The following LITAFD variants were observed in gnomAD, a reference collection of about 807,000 sequenced individuals.
LITAFD encodes the protein LITAF domain containing.
At chr16:8,884,236 G>T (rs201155459) in intron 2 of LITAFD, 87 bp from the exon 3 acceptor site, 21 of 397,196 alleles carry the variant, frequency 5.3e-5, no homozygotes, top group Non-Finnish European at 1.3e-5. Context: ...CATCTCAGGT[G>T]AGCACCGACA....
At chr16:8,882,716 T>C (rs565259000) in intron 1 of LITAFD, 23 of 152,416 alleles carry the variant, frequency 1.5e-4, no homozygotes, top group Admixed American at 1.1e-3. Context: ...GCAGTGGGGC[T>C]TTCAACGTGC....
At chr16:8,884,612 T>G (rs2061556729) in intron 3 of LITAFD, 147 bp downstream of exon 3, 1 of 396,652 alleles carries the variant, frequency 2.5e-6, no homozygotes, top group South Asian at 1.4e-4. Flanking sequence ...ATTACCTCCT[T>G]GAGAGGAGGC....
At chr16:8,883,307 G>C (rs1169576733) in intron 2 of LITAFD, 21 bp downstream of exon 2, 1 of 152,478 alleles carries the variant, frequency 6.6e-6, no homozygotes, top group Non-Finnish European at 1.5e-5. Context: ...GCCCCTGCCG[G>C]CCTTCCCTTG....
intron 3 of LITAFD, 68 bp downstream of exon 3, chr16:8,884,533 T>C: frequency 2.5e-6 from 1 of 397,908 alleles, no homozygotes; most frequent in Non-Finnish European, 4.4e-6. Context: ...GGTGGGTCCC[T>C]GCAGGGTAGG....
intron 3 of LITAFD, 133 bp from the exon 4 acceptor site, chr16:8,885,052 TAC>T (rs2061559385): frequency 2.5e-6 from 1 of 399,164 alleles, no homozygotes; most frequent in Non-Finnish European, 4.4e-6. Context: ...CAGCCTGGGA[TAC>T]AGAGTGAGAC....
chr16:8,883,628 G>A (rs2061551850), intron 2 of LITAFD, among the ~76,000 whole-genome samples: 1 of 152,198 alleles, frequency 6.6e-6, no homozygotes. Flanking sequence ...ACAGAGGAGG[G>A]GAAGGCCGAG....
At chr16:8,884,333 G>C (rs1302128871) in exon 3 of LITAFD, 1 of 399,020 alleles carries the variant, frequency 2.5e-6, no homozygotes, top group Non-Finnish European at 4.4e-6. Flanking sequence ...CTGTATGCCG[G>C]CATGTCCGTG....
intron 3 of LITAFD, among the ~76,000 whole-genome samples, chr16:8,884,860 G>A (rs2061558242): frequency 6.6e-6 from 1 of 152,192 alleles, no homozygotes; most frequent in East Asian, 1.9e-4. Context: ...CGAGGTGGGT[G>A]CGTCACTTGA....
intron 3 of LITAFD, chr16:8,884,960 C>T (rs911192948): frequency 2.0e-5 from 8 of 397,178 alleles, no homozygotes; most frequent in Non-Finnish European, 3.1e-5. Flanking sequence ...TGTGGTGGCA[C>T]GTGCCTGTAA....
chr16:8,884,810 C>A (rs1413175436), intron 3 of LITAFD, among the ~76,000 whole-genome samples: 1 of 152,126 alleles, frequency 6.6e-6, no homozygotes. Context: ...AGGGGCCAGG[C>A]GCGGTGACTC....
chr16:8,884,505 T>C (rs952947997), intron 3 of LITAFD, 40 bp downstream of exon 3: 2 of 387,802 alleles, frequency 5.2e-6, no homozygotes, highest in Non-Finnish European at 4.6e-6. Context: ...GGCCTGAGCA[T>C]TGGTAGGGGT....
At chr16:8,884,985 G>A (rs562982550) in intron 3 of LITAFD, 8 of 398,004 alleles carry the variant, frequency 2.0e-5, no homozygotes, top group Non-Finnish European at 3.5e-5. Flanking sequence ...AGCTACTCAG[G>A]AGACTGAGGC....
intron 3 of LITAFD, among the ~76,000 whole-genome samples, chr16:8,884,910 C>T (rs1389835157): frequency 6.6e-6 from 1 of 152,294 alleles, no homozygotes; most frequent in East Asian, 1.9e-4. Context: ...TGTGCTGAAA[C>T]CCTGTCTCTA....
chr16:8,883,793 G>A (rs546422550), intron 2 of LITAFD, among the ~76,000 whole-genome samples: 19 of 152,286 alleles, frequency 1.2e-4, no homozygotes, highest in Middle Eastern at 3.4e-3. Flanking sequence ...GGTCAGGTGC[G>A]GTGGCTCAGG....
intron 2 of LITAFD, among the ~76,000 whole-genome samples, chr16:8,884,002 T>C (rs1349489718): frequency 1.3e-5 from 2 of 151,908 alleles, no homozygotes; most frequent in African/African-American, 4.8e-5. Flanking sequence ...GAGGCGGAGG[T>C]TGCAGTGAGC....
chr16:8,882,675 G>T (rs1160415873), intron 1 of LITAFD, 165 bp downstream of exon 1: 1 of 152,472 alleles, frequency 6.6e-6, no homozygotes, highest in African/African-American at 2.4e-5. Flanking sequence ...CCACCAATCA[G>T]GGGGCCACGG....
chr16:8,884,594 G>A lies in LITAFD; in HGVS notation c.110+129G>A, dbSNP rs573771626. The A allele has an allele frequency of 1.4e-4, 55 of 397,358 alleles. 2 individuals carry two copies. In the South Asian group the frequency reaches 7.1e-3, roughly 51 times the overall value. The allele number at this position is 397,358 out of a possible 1,614,324, so 24.6% of individuals were successfully genotyped here. The stretch of plus-strand genomic sequence containing the variant: ...ACCAAGCATAGGGGAGGCCAGTTGG[G>A]TGGGGCCATTACCTCCTTGAGAGGA... On this transcript the variant is annotated intron_variant, in intron 3 of 3. Transcript: ENST00000636296.
chr16:8,885,166 G>C, intron 3 of LITAFD, 21 bp from the exon 4 acceptor site: 1 of 399,274 alleles, frequency 2.5e-6, no homozygotes. Flanking sequence ...CTCACGCCCA[G>C]CCTCCGCTCC....
At chr16:8,883,103 G>A (rs2061549077) in intron 1 of LITAFD, 107 bp from the exon 2 acceptor site, 1 of 152,196 alleles carries the variant, frequency 6.6e-6, no homozygotes, top group African/African-American at 2.4e-5. Context: ...CCAAAGTGTT[G>A]GGATTACAGG....
Sources: allele counts gnomAD v4.1 joint callset (sites outside exome capture counted in the v4.1 genomes callset), GRCh38; gene constraint gnomAD v4.1.1; transcripts MANE v1.5; gene names NCBI Gene and HGNC (gene_info 2026-07-23, HGNC 2026-07-21).